LYRM4: variants seen among roughly 807,000 people sequenced by gnomAD.
LYRM4 encodes the protein LYR motif containing 4, also known as LYR motif-containing protein 4.
In LYRM4, 9 loss-of-function variants were observed where a neutral mutation model predicts 11.7. The observed-to-expected ratio is 0.77, with a 90% CI of 0.46 to 1.34. The LOEUF is 1.34. Ranked by LOEUF, LYRM4 falls within the 40% of genes most tolerant of loss-of-function variation. LYRM4 has a pLI of 0.00. For synonymous variants in LYRM4, 42 were observed against 40.4 expected (o/e 1.04, Z -0.15); for missense variants, 133 against 112.5 (o/e 1.18, Z -0.82).
rs368008500 is a variant in LYRM4 at position 5,118,115 on chromosome 6, G to GT, written c.208-8625dup. 2.8e-3 allele frequency among the ~76,000 whole-genome samples: 368 copies of GT among 130,518 alleles called. 2 individuals are homozygous for GT. Among genetic ancestry groups the GT allele is most frequent in the African/African-American group, 8.6e-3 (299 of 34,680 alleles). 85.6% of individuals were successfully genotyped at this position (130,518 alleles called of 152,430 possible). On this transcript the variant is annotated intron_variant, in intron 2 of 2. Coordinates refer to ENST00000330636, the MANE Select transcript of LYRM4 (RefSeq NM_020408.6). ...ATATATTTTTGTTTTGTTTTGTTTTGTTTTTTTTTTTGAGACAGAGTCTCA... is the reference window on the plus strand; with the variant it reads ...ATATATTTTTGTTTTGTTTTGTTTTGTTTTTTTTTTTTGAGACAGAGTCTCA...
chr6:5,183,150 T>C (rs917005291), intron 2 of LYRM4, among the ~76,000 whole-genome samples: 12 of 152,288 alleles, frequency 7.9e-5, no homozygotes, highest in African/African-American at 2.9e-4. Flanking sequence ...TAGAAAGACA[T>C]TCAGAGATGA....
the LYRM4 span, among the ~76,000 whole-genome samples, chr6:5,072,192 T>TA: frequency 1.3e-5 from 2 of 152,240 alleles, no homozygotes; most frequent in South Asian, 4.1e-4. Flanking sequence ...TTCCTTGGTG[T>TA]ATATGTACCA....
rs373935560 is a variant in LYRM4, at chr6:5,221,617, C to T, written c.87-4879G>A. Among the ~76,000 whole-genome samples, 8 of 152,272 alleles carry T rather than the reference C, an allele frequency of 5.3e-5. No homozygotes were observed. In the East Asian group the frequency reaches 9.7e-4, roughly 18 times the overall value. On this transcript the variant is annotated intron_variant, in intron 1 of 2. Coordinates refer to ENST00000330636, the MANE Select transcript of LYRM4 (RefSeq NM_020408.6). ...CTGAGACAGGAGAACTGCTTGAACC[C>T]GGAGGCGGAAGTTGCAGTGAGCCAA...
At chr6:5,221,385 A>G (rs1361423279) in intron 1 of LYRM4, among the ~76,000 whole-genome samples, 1 of 152,212 alleles carries the variant, frequency 6.6e-6, no homozygotes, top group African/African-American at 2.4e-5. Context: ...AGACTCTTCC[A>G]GTGAATACAT....
chr6:5,157,872 G>A (rs966786003), intron 2 of LYRM4, among the ~76,000 whole-genome samples: 1 of 152,222 alleles, frequency 6.6e-6, no homozygotes, highest in Non-Finnish European at 1.5e-5. Context: ...GCCTGTAGGC[G>A]CAGACTGCAG....
At chr6:5,069,775 G>A in the LYRM4 span, among the ~76,000 whole-genome samples, 5 of 152,122 alleles carry the variant, frequency 3.3e-5, no homozygotes, top group Non-Finnish European at 7.4e-5. Context: ...CACCGTGCCC[G>A]GCCTACACTA....
chr6:5,043,492 T>C, the LYRM4 span: 1 of 152,190 alleles, frequency 6.6e-6, no homozygotes, highest in Admixed American at 6.5e-5. Context: ...TCATCCATCA[T>C]TGCTGCAAAG....
the LYRM4 span, among the ~76,000 whole-genome samples, chr6:5,064,871 C>T: frequency 6.6e-6 from 1 of 151,898 alleles, no homozygotes; most frequent in Non-Finnish European, 1.5e-5. Flanking sequence ...ATGTGCTCTT[C>T]TAGCTGGATA....
chr6:5,140,170 G>A (rs551657981), intron 2 of LYRM4, among the ~76,000 whole-genome samples: 2 of 151,662 alleles, frequency 1.3e-5, no homozygotes, highest in African/African-American at 4.8e-5. Flanking sequence ...CCAGGCTGCA[G>A]TGAGCCGTGA....
chr6:5,155,892 A>G (rs951365152), intron 2 of LYRM4, among the ~76,000 whole-genome samples: 1 of 152,230 alleles, frequency 6.6e-6, no homozygotes, highest in African/African-American at 2.4e-5. Flanking sequence ...TGTGAAATAC[A>G]CATTAGTTGT....
chr6:5,256,256 G>A (rs1433467639), intron 1 of LYRM4, among the ~76,000 whole-genome samples: 6 of 151,908 alleles, frequency 3.9e-5, no homozygotes, highest in Non-Finnish European at 5.9e-5. Flanking sequence ...TTGGGAGGCC[G>A]AGGTGGGCGG....
chr6:5,102,304 T>C (rs1301219377), downstream of LYRM4, among the ~76,000 whole-genome samples: 27 of 152,180 alleles, frequency 1.8e-4, no homozygotes, highest in Non-Finnish European at 3.4e-4. Context: ...CTTTGGCAAT[T>C]CTTGACAAGA....
the LYRM4 span, among the ~76,000 whole-genome samples, chr6:5,080,578 C>T: frequency 6.6e-6 from 1 of 152,160 alleles, no homozygotes; most frequent in East Asian, 1.9e-4. Context: ...GAACCGGGAG[C>T]ACCTGAACTA....
chr6:5,063,517 C>T, the LYRM4 span, among the ~76,000 whole-genome samples: 2 of 152,148 alleles, frequency 1.3e-5, no homozygotes, highest in Non-Finnish European at 2.9e-5. Context: ...GCTACTTACA[C>T]CCTTGTGTGG....
chr6:5,046,047 A>G, the LYRM4 span, among the ~76,000 whole-genome samples: 1 of 152,238 alleles, frequency 6.6e-6, no homozygotes, highest in Non-Finnish European at 1.5e-5. Flanking sequence ...CCCTAGGCAC[A>G]GGAGTAAGGA....
intron 2 of LYRM4, chr6:5,148,404 G>C (rs1451244848): frequency 6.5e-6 from 1 of 154,220 alleles, no homozygotes; most frequent in Non-Finnish European, 1.5e-5. Context: ...CAGATCAGCA[G>C]GGTATGCAGG....
At chr6:5,185,363 C>T (rs1002459986) in intron 2 of LYRM4, among the ~76,000 whole-genome samples, 17 of 152,160 alleles carry the variant, frequency 1.1e-4, no homozygotes, top group Non-Finnish European at 2.9e-5. Context: ...GGACATCTTC[C>T]CAGGAGGACA....
rs1012557155 is a variant in LYRM4, at chr6:5,214,877, C to G, written c.207+1741G>C. Among the ~76,000 whole-genome samples the G allele has an allele frequency of 4.0e-5, 6 of 151,664 alleles. No homozygotes were observed. In the Admixed American group the frequency reaches 4.0e-4, roughly 10 times the overall value. On this transcript the variant is annotated intron_variant, in intron 2 of 2. Coordinates refer to ENST00000330636, the MANE Select transcript of LYRM4 (RefSeq NM_020408.6). Reference sequence around the variant, plus strand: ...AATGCTTTCATCCCTGAGGTGGTGACAGCAAGCTGTTCTGCAAGGTCGCCG... The same window carrying G: ...AATGCTTTCATCCCTGAGGTGGTGAGAGCAAGCTGTTCTGCAAGGTCGCCG...
intron 2 of LYRM4, among the ~76,000 whole-genome samples, chr6:5,209,047 G>A (rs1037326070): frequency 2.0e-5 from 3 of 152,080 alleles, no homozygotes; most frequent in African/African-American, 7.2e-5. Context: ...CCAAGACAGA[G>A]TATTTAAATC....
Sources: allele counts gnomAD v4.1 joint callset (sites outside exome capture counted in the v4.1 genomes callset), GRCh38; gene constraint gnomAD v4.1.1; transcripts MANE v1.5; gene names NCBI Gene and HGNC (gene_info 2026-07-23, HGNC 2026-07-21).